The following PKN2 variants were observed in gnomAD, a reference collection of about 807,000 sequenced individuals.
The protein encoded by PKN2 is protein kinase N2, also known as serine/threonine-protein kinase N2.
A neutral mutation model predicts 119.1 loss-of-function variants in PKN2; 38 were observed. The ratio of observed to expected loss-of-function variants is 0.32; its 90% CI spans 0.25 to 0.42. PKN2 has a LOEUF of 0.42. Ranked by LOEUF, PKN2 falls within the 10% of genes least tolerant of loss-of-function variation. PKN2 has a pLI of 1.00. For missense variants in PKN2, 850 were observed against 1,165.1 expected, an observed-to-expected ratio of 0.73 and a Z score of 3.94; for synonymous variants, 390 against 384.9, an observed-to-expected ratio of 1.01 and a Z score of -0.15.
chr1:88,794,413 CTTG>C (rs1670978049), intron 8 of PKN2, among the ~76,000 whole-genome samples: 2 of 151,380 alleles, frequency 1.3e-5, no homozygotes, highest in South Asian at 4.2e-4. Context: ...CACCAGTTCT[CTTG>C]TTGTCCTGAA....
chr1:88,714,664 G>A (rs1667373410), intron 1 of PKN2, among the ~76,000 whole-genome samples: 1 of 152,178 alleles, frequency 6.6e-6, no homozygotes, highest in African/African-American at 2.4e-5. Flanking sequence ...AGGTTAAGGA[G>A]ATTTGGGGCT....
At chr1:88,787,493 C>A (rs1670628481) in intron 8 of PKN2, among the ~76,000 whole-genome samples, 1 of 152,112 alleles carries the variant, frequency 6.6e-6, no homozygotes, top group South Asian at 2.1e-4. Flanking sequence ...GGTACTAGAC[C>A]TTCAGTGTCT....
At chr1:88,803,525 A>G (rs1219519923) in intron 8 of PKN2, among the ~76,000 whole-genome samples, 2 of 152,208 alleles carry the variant, frequency 1.3e-5, no homozygotes, top group Non-Finnish European at 2.9e-5. Flanking sequence ...ATTAAAATGT[A>G]TATACGTTAA....
At chr1:88,823,703 TAAAAAAAA>T (rs61234342) in intron 17 of PKN2, among the ~76,000 whole-genome samples, 6 of 65,794 alleles carry the variant, frequency 9.1e-5, no homozygotes, top group Admixed American at 7.1e-4. Context: ...GACTCTGTCT[TAAAAAAAA>T]AAAAAAAAAA....
At chr1:88,760,506 G>A in intron 3 of PKN2, 130 bp downstream of exon 3, 1 of 529,464 alleles carries the variant, frequency 1.9e-6, no homozygotes, top group Non-Finnish European at 3.4e-6. Context: ...CACTTTGGCA[G>A]TCATTTGTGT....
chr1:88,775,969 G>A (rs567463232), intron 6 of PKN2, among the ~76,000 whole-genome samples: 153 of 152,080 alleles, frequency 1.0e-3, no homozygotes, highest in Middle Eastern at 6.8e-3. Flanking sequence ...TTAGCCGGGC[G>A]TGGTGGCAGG....
At chr1:88,824,162 A>G in intron 17 of PKN2, 148 bp from the exon 18 acceptor site, 3 of 553,574 alleles carry the variant, frequency 5.4e-6, no homozygotes, top group Non-Finnish European at 9.6e-6. Flanking sequence ...TGTTTGTGTT[A>G]TAGTATTTAA....
intron 8 of PKN2, among the ~76,000 whole-genome samples, chr1:88,801,143 G>A (rs552654204): frequency 6.6e-6 from 1 of 152,246 alleles, no homozygotes; most frequent in South Asian, 2.1e-4. Context: ...CAGCACTTTG[G>A]GGGAGCCAAG....
At chr1:88,826,188 G>A (rs1217147221) in intron 18 of PKN2, among the ~76,000 whole-genome samples, 4 of 152,000 alleles carry the variant, frequency 2.6e-5, no homozygotes, top group Non-Finnish European at 4.4e-5. Flanking sequence ...TCTTACTCTC[G>A]TTTTTATGTT....
At position 88,835,451 on chromosome 1, in the gene PKN2, A is replaced by G. The variant is rs1175347270; in HGVS notation, c.*2003A>G. ...AACTGACAGCATTTCGTAACTACAC[A>G]GTGTACAGAATTTTTTTTTAATTGA... On this transcript the variant is annotated 3_prime_UTR_variant, in exon 22 of 22. Coordinates refer to ENST00000370521, the MANE Select transcript of PKN2 (RefSeq NM_006256.4). The G allele has an allele frequency of 6.6e-6, 1 of 151,326 alleles. No homozygotes were observed. The highest frequency in any genetic ancestry group is 1.9e-4 in the East Asian group (1 of 5,204). 9.4% of individuals were successfully genotyped at this position (151,326 alleles called of 1,614,324 possible).
At chr1:88,714,935 G>A (rs1667383719) in intron 1 of PKN2, among the ~76,000 whole-genome samples, 1 of 152,090 alleles carries the variant, frequency 6.6e-6, no homozygotes, top group Non-Finnish European at 1.5e-5. Flanking sequence ...TTATTATTTT[G>A]AGATACGTCC....
chr1:88,747,405 T>G (rs1175198687), intron 2 of PKN2, among the ~76,000 whole-genome samples: 2 of 152,158 alleles, frequency 1.3e-5, no homozygotes. Flanking sequence ...AAAAATAGTT[T>G]AATGGGGTAC....
In PKN2 at chr1:88,755,680, G is replaced by A. The variant is rs532647342; in HGVS notation, c.350-4542G>A. 6.6e-5 allele frequency among the ~76,000 whole-genome samples: 10 copies of A among 152,134 alleles called. No homozygotes were observed. The South Asian group carries it at 2.1e-3, about 32-fold the overall frequency. ...TTTTTACAGTAACCGTCAATTTGTG[G>A]CTAAGGAAACTGTAGCACAGAGATG... On this transcript the variant is annotated intron_variant, in intron 2 of 21. Coordinates refer to ENST00000370521, the MANE Select transcript of PKN2 (RefSeq NM_006256.4).
At chr1:88,746,062 T>A (rs1424065924) in intron 2 of PKN2, among the ~76,000 whole-genome samples, 1 of 152,178 alleles carries the variant, frequency 6.6e-6, no homozygotes, top group African/African-American at 2.4e-5. Context: ...CTTACCCTTA[T>A]ACGTAATACC....
chr1:88,722,893 TATC>T (rs1667740746), intron 1 of PKN2, among the ~76,000 whole-genome samples: 1 of 152,128 alleles, frequency 6.6e-6, no homozygotes, highest in South Asian at 2.1e-4. Flanking sequence ...AAGCCTGTCT[TATC>T]ATCAGTCAGG....
chr1:88,769,451 T>C (rs897917701), intron 3 of PKN2, among the ~76,000 whole-genome samples: 2 of 152,172 alleles, frequency 1.3e-5, no homozygotes, highest in Non-Finnish European at 2.9e-5. Flanking sequence ...TTATTGATCA[T>C]AGTAAAGGAA....
chr1:88,770,864 C>T (rs868058482), intron 4 of PKN2, among the ~76,000 whole-genome samples: 4 of 150,420 alleles, frequency 2.7e-5, no homozygotes, highest in Middle Eastern at 6.9e-3. Flanking sequence ...GGATTACAGG[C>T]GTGAGCCACC....
intron 2 of PKN2, among the ~76,000 whole-genome samples, chr1:88,757,247 C>T (rs1037261885): frequency 2.6e-5 from 4 of 152,110 alleles, no homozygotes; most frequent in Non-Finnish European, 5.9e-5. Flanking sequence ...GATTTATATG[C>T]ACACATACAT....
intron 1 of PKN2, among the ~76,000 whole-genome samples, chr1:88,713,623 T>G (rs888011171): frequency 1.3e-5 from 2 of 152,232 alleles, no homozygotes; most frequent in African/African-American, 2.4e-5. Flanking sequence ...TTGATGGGGT[T>G]GTTTGATTTT....
Sources: gnomAD v4.1 joint callset for allele counts (sites outside exome capture counted in the v4.1 genomes callset) on GRCh38, gnomAD v4.1.1 for gene constraint, MANE v1.5 for transcripts, NCBI Gene and HGNC (gene_info 2026-07-23, HGNC 2026-07-21) for gene names.